NDUFAF7: variants seen among roughly 807,000 people sequenced by gnomAD.
The protein encoded by NDUFAF7 is protein arginine methyltransferase NDUFAF7, mitochondrial.
Under a neutral mutation model 47.2 loss-of-function variants are expected in NDUFAF7, and 48 were observed. The observed-to-expected ratio is 1.02, with a 90% confidence interval of 0.81 to 1.29. The LOEUF (loss-of-function observed/expected upper bound fraction) is 1.29. Ranked by LOEUF, NDUFAF7 falls within the 50% of genes most tolerant of loss-of-function variation. The probability of loss-of-function intolerance (pLI) is 0.00; values close to 1 mark genes in which losing one functional copy is unlikely to be tolerated. For synonymous variants in NDUFAF7, 217 were observed against 190.0 expected (o/e 1.14, Z -1.17); for missense variants, 635 against 537.6 (o/e 1.18, Z -1.79).
downstream of NDUFAF7, chr2:37,253,074 A>T: frequency 8.3e-7 from 1 of 1,199,420 alleles, no homozygotes; most frequent in East Asian, 2.4e-5. Flanking sequence ...ATATTTCTTC[A>T]TATCTTTGCA....
downstream of NDUFAF7, chr2:37,252,128 AAAATAATT>A (rs1667549115): frequency 6.6e-6 from 1 of 152,236 alleles, no homozygotes; most frequent in Non-Finnish European, 1.5e-5. Context: ...CAAACTGCTT[AAAATAATT>A]GACTTTAAAA....
downstream of NDUFAF7, chr2:37,254,179 A>G (rs945504165): frequency 3.9e-6 from 6 of 1,552,470 alleles, no homozygotes; most frequent in Non-Finnish European, 5.3e-6. Flanking sequence ...GAGGATTGCC[A>G]AAGAGAGATT....
the NDUFAF7 span, among the ~76,000 whole-genome samples, chr2:37,262,538 A>G: frequency 1.3e-5 from 2 of 152,244 alleles, no homozygotes; most frequent in Admixed American, 1.3e-4. Context: ...TTTATAGTAG[A>G]TAAATGAAAC....
At chr2:37,244,960 C>T (rs186086781) in intron 7 of NDUFAF7, among the ~76,000 whole-genome samples, 6 of 152,210 alleles carry the variant, frequency 3.9e-5, no homozygotes, top group African/African-American at 7.2e-5. Flanking sequence ...GAATGAGATG[C>T]GTGGTAATAC....
chr2:37,248,192 GAT>G lies in NDUFAF7; in HGVS notation c.1171_1172del (p.Met391ValfsTer12), dbSNP rs754273489. 6 of 1,614,008 alleles carry G rather than the reference GAT, an allele frequency of 3.7e-6. No individual in the cohort carries two copies. The highest frequency in any genetic ancestry group is 5.1e-6 in the Non-Finnish European group (6 of 1,179,952). The part of the protein sequence containing the change: ...SVRQQLLQGY[D>X]MLMNPKKMGE... ...GAGGCAGCAGTTACTTCAAGGATAT[GAT>G]ATGTTAATGAATCCAAAGAAGATGG... On this transcript the variant is annotated frameshift_variant, in exon 10 of 10. Transcript: ENST00000002125. LOFTEE classifies it high-confidence loss of function.
At chr2:37,236,639 A>G (rs990251973) in intron 3 of NDUFAF7, among the ~76,000 whole-genome samples, 3 of 151,684 alleles carry the variant, frequency 2.0e-5, no homozygotes, top group African/African-American at 4.8e-5. Context: ...AAATTAGCCG[A>G]GCGTGGTGGC....
downstream of NDUFAF7, chr2:37,257,070 T>C (rs1668012380): frequency 2.0e-6 from 2 of 975,634 alleles, no homozygotes; most frequent in African/African-American, 3.3e-5. Flanking sequence ...GATAAGGAAA[T>C]TGTAAAATAT....
Position 37,247,633 on chromosome 2 carries a change from A to T in NDUFAF7, c.1110+4A>T, listed in dbSNP as rs199598364. The stretch of plus-strand genomic sequence containing the variant: ...GGGTATTGATGTCCGGCTGAAGGTA[A>T]GGTTTATTTTATTTCACTGTTATTA... On this transcript the variant is annotated splice_donor_region_variant and intron_variant, in intron 9 of 9. Transcript: ENST00000002125. The T allele has an allele frequency of 1.2e-6, 2 of 1,613,644 alleles. No individual in the cohort carries two copies. Among genetic ancestry groups the T allele is most frequent in the African/African-American group, 2.7e-5 (2 of 75,024 alleles).
intron 9 of NDUFAF7, 112 bp from the exon 10 acceptor site, chr2:37,248,023 G>A: frequency 1.1e-6 from 1 of 874,976 alleles, no homozygotes; most frequent in Non-Finnish European, 1.8e-6. Context: ...GTAATCAGAA[G>A]TCACATTTTG....
At chr2:37,269,844 T>C in the NDUFAF7 span, among the ~76,000 whole-genome samples, 1 of 152,242 alleles carries the variant, frequency 6.6e-6, no homozygotes, top group Non-Finnish European at 1.5e-5. Context: ...AGGCTTTCTA[T>C]GTTCTAATAA....
At chr2:37,256,873 T>C (rs1336600690), downstream of NDUFAF7, 18 of 1,613,782 alleles carry the variant, frequency 1.1e-5, no homozygotes, top group Non-Finnish European at 1.5e-5. Context: ...CTACCACAGA[T>C]CTCCTGAATG....
the NDUFAF7 span, among the ~76,000 whole-genome samples, chr2:37,261,225 G>A: frequency 6.6e-6 from 1 of 152,182 alleles, no homozygotes; most frequent in Non-Finnish European, 1.5e-5. Flanking sequence ...GGTGGCTCAC[G>A]CCTGTAATCC....
intron 2 of NDUFAF7, among the ~76,000 whole-genome samples, chr2:37,233,352 G>A (rs541277856): frequency 4.1e-4 from 63 of 152,332 alleles, no homozygotes; most frequent in South Asian, 2.5e-3. Flanking sequence ...GTTCAGGGCC[G>A]GACGTGGCGG....
the NDUFAF7 span, chr2:37,267,346 TA>T: frequency 0.14 from 105,294 of 768,526 alleles, 72 homozygotes; most frequent in Middle Eastern, 0.16. Flanking sequence ...TTTGCCTTCT[TA>T]AAAAAAAAAA....
At chr2:37,260,077 A>T in the NDUFAF7 span, 1 of 701,556 alleles carries the variant, frequency 1.4e-6, no homozygotes, top group Non-Finnish European at 2.3e-6. Flanking sequence ...AGGCATGAGA[A>T]TCACTTGAAT....
At chr2:37,253,131 T>G, downstream of NDUFAF7, 1 of 1,518,552 alleles carries the variant, frequency 6.6e-7, no homozygotes, top group Non-Finnish European at 9.0e-7. Flanking sequence ...CAGCAAAATA[T>G]CAGTCCATAA....
intron 4 of NDUFAF7, 48 bp downstream of exon 4, chr2:37,237,915 T>A (rs1048557158): frequency 2.2e-5 from 28 of 1,290,328 alleles, no homozygotes; most frequent in Non-Finnish European, 2.9e-5. Context: ...TGAATTTTAG[T>A]ACTTCTGAGT....
downstream of NDUFAF7, among the ~76,000 whole-genome samples, chr2:37,249,560 CACACACACA>C (rs1359717924): frequency 2.9e-5 from 1 of 34,748 alleles, no homozygotes; most frequent in Non-Finnish European, 6.1e-5. Context: ...CTGTGATAGA[CACACACACA>C]CACACACACA....
downstream of NDUFAF7, chr2:37,254,258 C>T (rs1248155185): frequency 1.9e-6 from 3 of 1,613,282 alleles, no homozygotes; most frequent in Non-Finnish European, 2.5e-6. Context: ...TTCTCATCTT[C>T]ACTTGAAGCA....
Sources: allele counts gnomAD v4.1 joint callset (sites outside exome capture counted in the v4.1 genomes callset), GRCh38; gene constraint gnomAD v4.1.1; transcripts MANE v1.5; gene names NCBI Gene and HGNC (gene_info 2026-07-23, HGNC 2026-07-21).